Variants in SERPINI1 observed in about 807,000 individuals in gnomAD.
SERPINI1 encodes the protein serpin family I member 1.
A neutral mutation model predicts 41.1 loss-of-function variants in SERPINI1; 19 were observed. That is an observed-to-expected ratio of 0.46 (90% confidence interval 0.32 to 0.68). The LOEUF (loss-of-function observed/expected upper bound fraction) is 0.68, where lower values mean the gene tolerates loss of function less well. Among genes scored for constraint, SERPINI1 ranks in the 30% least tolerant of loss-of-function variants. The probability of loss-of-function intolerance (pLI) is 0.03; values close to 1 mark genes in which losing one functional copy is unlikely to be tolerated. For missense variants in SERPINI1, 460 were observed against 479.2 expected, an observed-to-expected ratio of 0.96 and a Z score of 0.37; for synonymous variants, 138 against 156.6, an observed-to-expected ratio of 0.88 and a Z score of 0.89.
intron 1 of SERPINI1, among the ~76,000 whole-genome samples, chr3:167,753,507 C>T (rs1726107707): frequency 6.6e-6 from 1 of 152,058 alleles, no homozygotes; most frequent in Admixed American, 6.6e-5. Context: ...TTTTTCAAAA[C>T]ATAATTCTCA....
At chr3:167,802,345 C>T (rs1190253525) in intron 5 of SERPINI1, among the ~76,000 whole-genome samples, 42 of 151,116 alleles carry the variant, frequency 2.8e-4, no homozygotes, top group Non-Finnish European at 1.0e-4. Context: ...AGGCAACCTA[C>T]AAAATGGGAG....
intron 1 of SERPINI1, among the ~76,000 whole-genome samples, chr3:167,784,974 G>A (rs897365115): frequency 1.3e-5 from 2 of 152,160 alleles, no homozygotes; most frequent in Non-Finnish European, 1.5e-5. Context: ...CAAGCATGGT[G>A]GCTCACACCT....
chr3:167,770,829 C>T (rs1307314474), intron 1 of SERPINI1, among the ~76,000 whole-genome samples: 1 of 152,166 alleles, frequency 6.6e-6, no homozygotes, highest in African/African-American at 2.4e-5. Flanking sequence ...TTCTCCAGCT[C>T]TCACTAACCT....
At chr3:167,754,472 C>A (rs545224369) in intron 1 of SERPINI1, among the ~76,000 whole-genome samples, 2 of 152,314 alleles carry the variant, frequency 1.3e-5, no homozygotes, top group East Asian at 3.9e-4. Context: ...TTTACAGATT[C>A]TATTATCTGT....
At chr3:167,786,507 CA>C (rs71176662) in intron 1 of SERPINI1, among the ~76,000 whole-genome samples, 3,731 of 75,136 alleles carry the variant, frequency 0.05, 27 homozygotes, top group African/African-American at 0.067. Context: ...GACTCCGTCT[CA>C]AAAAAAAAAA....
intron 1 of SERPINI1, among the ~76,000 whole-genome samples, chr3:167,748,860 T>A (rs1211390944): frequency 6.6e-6 from 1 of 151,918 alleles, no homozygotes; most frequent in East Asian, 1.9e-4. Flanking sequence ...CTGAGCTCTT[T>A]TTGGTCATTT....
Position 167,789,365 on chromosome 3 carries a change from C to T in SERPINI1, c.237C>T (p.Asp79=). Residue 79 remains aspartate (D), a synonymous_variant, in exon 2 of 9, where the codon GAC becomes GAT. Transcript: ENST00000446050. ...AAATCCGCCACTCAATGGGATATGA[C>T]AGCCTAAAAAATGGTAAGAGTGATC... The part of the protein sequence containing the change: ...QKEIRHSMGY[D]SLKNGEEFSF... 1.9e-6 allele frequency: 3 copies of T among 1,614,038 alleles called. No homozygotes were observed. The highest frequency in any genetic ancestry group is 2.5e-6 in the Non-Finnish European group (3 of 1,179,944).
chr3:167,739,707 C>T (rs1035154927), intron 1 of SERPINI1, among the ~76,000 whole-genome samples: 8 of 151,934 alleles, frequency 5.3e-5, no homozygotes, highest in African/African-American at 1.5e-4. Context: ...ACTGAATTTG[C>T]TCTTCTGTTT....
intron 1 of SERPINI1, among the ~76,000 whole-genome samples, chr3:167,737,029 G>A (rs538136507): frequency 6.6e-6 from 1 of 151,750 alleles, no homozygotes; most frequent in South Asian, 2.1e-4. Context: ...AATAACCAGG[G>A]TCAATAAAAT....
intron 1 of SERPINI1, among the ~76,000 whole-genome samples, chr3:167,784,155 T>G (rs1399474467): frequency 6.6e-6 from 1 of 152,212 alleles, no homozygotes; most frequent in Non-Finnish European, 1.5e-5. Flanking sequence ...TCTGACCATC[T>G]GTAACCTCTG....
At chr3:167,820,333 C>G (rs959923072) in intron 6 of SERPINI1, among the ~76,000 whole-genome samples, 2 of 152,206 alleles carry the variant, frequency 1.3e-5, no homozygotes, top group Non-Finnish European at 1.5e-5. Flanking sequence ...AAGCCTGCCC[C>G]CTTCTGAGTT....
chr3:167,809,320 A>G (rs1392997164), intron 6 of SERPINI1, among the ~76,000 whole-genome samples: 1 of 152,204 alleles, frequency 6.6e-6, no homozygotes, highest in Non-Finnish European at 1.5e-5. Flanking sequence ...GGATAATTAC[A>G]TTGTACTTTC....
intron 5 of SERPINI1, among the ~76,000 whole-genome samples, chr3:167,804,046 A>ATGTAT (rs1711537259): frequency 6.6e-6 from 1 of 152,228 alleles, no homozygotes; most frequent in Non-Finnish European, 1.5e-5. Flanking sequence ...AAGCCATTGA[A>ATGTAT]TGTATTGTCT....
At chr3:167,739,771 G>A (rs1725609898) in intron 1 of SERPINI1, among the ~76,000 whole-genome samples, 1 of 152,028 alleles carries the variant, frequency 6.6e-6, no homozygotes, top group Admixed American at 6.6e-5. Context: ...AAGCATGTGT[G>A]GAGTTGGTCA....
At chr3:167,819,826 C>T (rs1016109204) in intron 6 of SERPINI1, among the ~76,000 whole-genome samples, 4 of 152,186 alleles carry the variant, frequency 2.6e-5, no homozygotes, top group Non-Finnish European at 5.9e-5. Flanking sequence ...TGGACATCAG[C>T]AACAAAGTTA....
intron 1 of SERPINI1, among the ~76,000 whole-genome samples, chr3:167,745,960 CTT>C (rs1268267796): frequency 1.3e-5 from 2 of 152,086 alleles, no homozygotes; most frequent in Non-Finnish European, 2.9e-5. Flanking sequence ...AGTTGAAAGA[CTT>C]AATATTGTTG....
intron 1 of SERPINI1, among the ~76,000 whole-genome samples, chr3:167,783,913 C>G (rs2108553180): frequency 6.6e-6 from 1 of 152,298 alleles, no homozygotes; most frequent in East Asian, 1.9e-4. Flanking sequence ...AGTTCCCTGA[C>G]AGGACCTGCT....
At chr3:167,808,160 A>ATAAATAAATAAATAAG (rs1388112579) in intron 6 of SERPINI1, among the ~76,000 whole-genome samples, 28 of 151,564 alleles carry the variant, frequency 1.8e-4, no homozygotes, top group Middle Eastern at 6.8e-3. Context: ...AAATAAATAA[A>ATAAATAAATAAATAAG]TAGTGGTTTT....
chr3:167,772,972 A>ATGTG (rs1422924940), intron 1 of SERPINI1, among the ~76,000 whole-genome samples: 4 of 141,880 alleles, frequency 2.8e-5, no homozygotes, highest in African/African-American at 1.1e-4. Flanking sequence ...ATGTGTGTAT[A>ATGTG]TATATGTATA....
Sources: allele counts gnomAD v4.1 joint callset (sites outside exome capture counted in the v4.1 genomes callset), GRCh38; gene constraint gnomAD v4.1.1; transcripts MANE v1.5; gene names NCBI Gene and HGNC (gene_info 2026-07-23, HGNC 2026-07-21).